FNBP4: variants seen among roughly 807,000 people sequenced by gnomAD.
FNBP4 encodes formin-binding protein 4.
A neutral mutation model predicts 119.3 loss-of-function variants in FNBP4; 34 were observed. The observed-to-expected ratio is 0.28, with a 90% confidence interval of 0.22 to 0.38. The LOEUF is 0.38. Ranked by LOEUF, FNBP4 falls within the 10% of genes least tolerant of loss-of-function variation. The pLI is 1.00. For synonymous variants in FNBP4, 462 were observed against 430.6 expected (o/e 1.07, Z -0.90); for missense variants, 1,112 against 1,228.9 (o/e 0.90, Z 1.42).
chr11:47,752,363 T>G (rs531860697), intron 4 of FNBP4, among the ~76,000 whole-genome samples: 1 of 150,376 alleles, frequency 6.6e-6, no homozygotes, highest in Non-Finnish European at 1.5e-5. Context: ...AGGCGGAGGT[T>G]GCAGTGAGCC....
At chr11:47,765,569 G>C (rs11039374) in intron 1 of FNBP4, among the ~76,000 whole-genome samples, 9 of 28,914 alleles carry the variant, frequency 3.1e-4, no homozygotes, top group Non-Finnish European at 5.2e-4. Context: ...GGCCAAGACG[G>C]GGGGGGGGGG....
At chr11:47,721,148 C>T (rs1427198333) in intron 15 of FNBP4, among the ~76,000 whole-genome samples, 2 of 150,704 alleles carry the variant, frequency 1.3e-5, no homozygotes, top group Non-Finnish European at 3.0e-5. Context: ...GGTGAAACCC[C>T]GTCTCTACTA....
intron 2 of FNBP4, among the ~76,000 whole-genome samples, chr11:47,764,918 C>A (rs2097643564): frequency 6.6e-6 from 1 of 152,032 alleles, no homozygotes; most frequent in Non-Finnish European, 1.5e-5. Context: ...TCCAGGTCCA[C>A]CAATGTTTGT....
In FNBP4 at chr11:47,734,979, C is replaced by CCT. The variant is rs1554979775; in HGVS notation, c.1582-851_1582-850insAG. Reference sequence around the variant, plus strand: ...AGAGCAAGACTCCATCACCCCAACACCCCCCCCCCCAAAAAAAAAGGAAAT... The same window carrying CCT: ...AGAGCAAGACTCCATCACCCCAACACCTCCCCCCCCCCAAAAAAAAAGGAAAT... On this transcript the variant is annotated intron_variant, in intron 9 of 16. Transcript: ENST00000263773. Among the ~76,000 whole-genome samples, 39 of 82,906 alleles carry CCT rather than the reference C, an allele frequency of 4.7e-4. 1 individual carries two copies. The highest frequency in any genetic ancestry group is 1.9e-3 in the African/African-American group (39 of 20,326). 54.4% of individuals were successfully genotyped at this position (82,906 alleles called of 152,430 possible).
chr11:47,743,537 C>G (rs964506610), intron 8 of FNBP4, among the ~76,000 whole-genome samples: 5 of 152,168 alleles, frequency 3.3e-5, no homozygotes, highest in South Asian at 2.1e-4. Context: ...AAAATATTAG[C>G]TTCATCCAGG....
chr11:47,725,644 G>T, intron 12 of FNBP4: 1 of 356,066 alleles, frequency 2.8e-6, no homozygotes, highest in Non-Finnish European at 3.9e-6. Flanking sequence ...TGCAGGATCA[G>T]CTTTCCTCAA....
At chr11:47,744,524 A>G (rs2097586632) in intron 7 of FNBP4, among the ~76,000 whole-genome samples, 1 of 152,042 alleles carries the variant, frequency 6.6e-6, no homozygotes, top group Non-Finnish European at 1.5e-5. Context: ...AGCCTCCCAA[A>G]GTCCTGGGAT....
chr11:47,752,589 T>A, intron 4 of FNBP4: 1 of 185,698 alleles, frequency 5.4e-6, no homozygotes, highest in African/African-American at 2.3e-5. Flanking sequence ...CAGGCTGATT[T>A]CCTAAGCTCA....
intron 2 of FNBP4, among the ~76,000 whole-genome samples, chr11:47,759,884 A>T (rs1051364522): frequency 6.6e-6 from 1 of 152,142 alleles, no homozygotes; most frequent in Admixed American, 6.6e-5. Context: ...ACCCAGGAGG[A>T]GGTGGTTACA....
At chr11:47,744,269 C>A in intron 7 of FNBP4, 106 bp from the exon 8 acceptor site, 2 of 1,105,128 alleles carry the variant, frequency 1.8e-6, no homozygotes. Flanking sequence ...TCTTTGAGAA[C>A]AGAAAGCACT....
At position 47,732,336 on chromosome 11, in the gene FNBP4, TG is replaced by T. The variant is rs1162025151; in HGVS notation, c.1820+200del. On this transcript the variant is annotated intron_variant, in intron 11 of 16. Transcript: ENST00000263773. The surrounding 1 kb of genome is among the most constrained non-coding windows in gnomAD (Gnocchi z 4.2). ...ATATCTTGGGAAAAAATCCGTTACATGGAACACTTTAAACATTGCTTTTGTT... is the reference window on the plus strand; with the variant it reads ...ATATCTTGGGAAAAAATCCGTTACATGAACACTTTAAACATTGCTTTTGTT... The T allele has an allele frequency of 6.8e-7, 1 of 1,460,416 alleles. No individual in the cohort carries two copies. Among genetic ancestry groups the T allele is most frequent in the Non-Finnish European group, 9.0e-7 (1 of 1,109,860 alleles). 90.5% of individuals were successfully genotyped at this position (1,460,416 alleles called of 1,614,324 possible).
At chr11:47,721,605 C>A (rs909958655) in intron 15 of FNBP4, among the ~76,000 whole-genome samples, 2 of 151,290 alleles carry the variant, frequency 1.3e-5, no homozygotes, top group Non-Finnish European at 3.0e-5. Flanking sequence ...CTCCCCTCCC[C>A]CTGCCAAAAA....
chr11:47,731,304 T>TAA, intron 12 of FNBP4, 70 bp downstream of exon 12: 1 of 1,388,922 alleles, frequency 7.2e-7, no homozygotes, highest in Non-Finnish European at 9.7e-7. Context: ...AATCTTTTAA[T>TAA]AATGTAAATT....
chr11:47,718,475 G>GTT, intron 16 of FNBP4, among the ~76,000 whole-genome samples: 1 of 152,214 alleles, frequency 6.6e-6, no homozygotes, highest in East Asian at 1.9e-4. Context: ...GCTTCCCAAA[G>GTT]TGCTGGGATT....
Position 47,736,661 on chromosome 11 carries a change from T to C in FNBP4, c.1536A>G (p.Ile512Met), listed in dbSNP as rs771274911. The part of the protein sequence containing the change: ...EMEVEESPEK[I>M]KVQTTPKVEE... The stretch of plus-strand genomic sequence containing the variant: ...CTACTTTTGGTGTTGTCTGTACTTT[T>C]ATTTTCTCTGGAGATTCTTCTACTT... Residue 512 changes from isoleucine (I) to methionine (M), a missense_variant, in exon 9 of 17, where the codon ATA becomes ATG. Ile to Met is a conservative substitution (Grantham distance 10). Coordinates refer to ENST00000263773, the MANE Select transcript of FNBP4 (RefSeq NM_015308.5). The C allele has an allele frequency of 2.5e-6, 4 of 1,605,920 alleles. No individual in the cohort carries two copies. In the Admixed American group the frequency reaches 5.0e-5, roughly 20 times the overall value.
chr11:47,762,154 A>G (rs2097636568), intron 2 of FNBP4, among the ~76,000 whole-genome samples: 1 of 130,374 alleles, frequency 7.7e-6, no homozygotes, highest in South Asian at 2.4e-4. Context: ...TTTTTTTGAG[A>G]TGGAGTCTTA....
At chr11:47,718,905 G>GTTTT (rs35422529) in intron 16 of FNBP4, among the ~76,000 whole-genome samples, 2 of 130,348 alleles carry the variant, frequency 1.5e-5, no homozygotes, top group African/African-American at 2.8e-5. Context: ...CACCCAACAT[G>GTTTT]TTTTTTTTTT....
chr11:47,722,775 G>C (rs1216784591), intron 15 of FNBP4, among the ~76,000 whole-genome samples: 2 of 151,914 alleles, frequency 1.3e-5, no homozygotes, highest in Non-Finnish European at 2.9e-5. Flanking sequence ...ATTTTTAGTA[G>C]AGACAGGGTT....
At chr11:47,760,593 A>C (rs1309927035) in intron 2 of FNBP4, among the ~76,000 whole-genome samples, 1 of 151,870 alleles carries the variant, frequency 6.6e-6, no homozygotes, top group Non-Finnish European at 1.5e-5. Context: ...CACCAACCAC[A>C]GGTAATTTTT....
Sources: allele counts gnomAD v4.1 joint callset (sites outside exome capture counted in the v4.1 genomes callset), GRCh38; gene constraint gnomAD v4.1.1; non-coding constraint Gnocchi (gnomAD v3.1); transcripts MANE v1.5; gene names NCBI Gene and HGNC (gene_info 2026-07-23, HGNC 2026-07-21).